FOXO3: variants seen among roughly 807,000 people sequenced by gnomAD.
The protein encoded by FOXO3 is forkhead box O3.
A neutral mutation model predicts 41.9 loss-of-function variants in FOXO3; 4 were observed. The observed-to-expected ratio is 0.10, with a 90% CI of 0.05 to 0.22. The LOEUF is 0.22. Ranked by LOEUF, FOXO3 falls within the 10% of genes least tolerant of loss-of-function variation. FOXO3 has a pLI of 1.00. For synonymous variants in FOXO3, 318 were observed against 389.3 expected (o/e 0.82, Z 2.16); for missense variants, 534 against 906.8 (o/e 0.59, Z 5.28).
chr6:108,676,537 G>A (rs185850095), intron 2 of FOXO3, among the ~76,000 whole-genome samples: 3 of 152,262 alleles, frequency 2.0e-5, no homozygotes, highest in Admixed American at 2.0e-4. Flanking sequence ...CGCCATGCCT[G>A]GCCCCTTAAT....
At chr6:108,618,470 G>T (rs1777576465) in intron 1 of FOXO3, among the ~76,000 whole-genome samples, 1 of 152,238 alleles carries the variant, frequency 6.6e-6, no homozygotes, top group Admixed American at 6.5e-5. Context: ...GCTAGACTTT[G>T]TTCTGGCATG....
At chr6:108,650,254 C>T (rs1308847752) in intron 1 of FOXO3, among the ~76,000 whole-genome samples, 6 of 152,160 alleles carry the variant, frequency 3.9e-5, no homozygotes, top group Non-Finnish European at 5.9e-5. Flanking sequence ...CACAGGGACA[C>T]GTGCTGGTTG....
At chr6:108,656,594 A>G in intron 1 of FOXO3, 1 of 835,284 alleles carries the variant, frequency 1.2e-6, no homozygotes, top group Non-Finnish European at 1.4e-6. Context: ...AGTTGTTGGG[A>G]GCTGCTTTTG....
chr6:108,678,241 G>A (rs1413316113), intron 2 of FOXO3, among the ~76,000 whole-genome samples: 1 of 152,188 alleles, frequency 6.6e-6, no homozygotes, highest in Non-Finnish European at 1.5e-5. Context: ...CTCTAAAGGT[G>A]GGAGAAGCAG....
intron 1 of FOXO3, among the ~76,000 whole-genome samples, chr6:108,578,042 T>A (rs983772302): frequency 1.3e-5 from 2 of 152,220 alleles, no homozygotes; most frequent in Admixed American, 6.5e-5. Flanking sequence ...ACTTGAAAAC[T>A]GAGAGATATA....
chr6:108,577,202 T>A (rs1582738779), intron 1 of FOXO3, among the ~76,000 whole-genome samples: 1 of 150,740 alleles, frequency 6.6e-6, no homozygotes, highest in Non-Finnish European at 1.5e-5. Context: ...GTAACTCTTC[T>A]AAAAAAAAAT....
In FOXO3 at chr6:108,599,222, C is replaced by T. The variant is rs539997967; in HGVS notation, c.621+37393C>T. On this transcript the variant is annotated intron_variant, in intron 1 of 2. Transcript: ENST00000406360. ...TGGGTCTGCTCTTTAAAAACATAACCTTTTTATTGGGATTTTCTTTAAGAT... is the reference window on the plus strand; with the variant it reads ...TGGGTCTGCTCTTTAAAAACATAACTTTTTTATTGGGATTTTCTTTAAGAT... 1.0e-3 allele frequency among the ~76,000 whole-genome samples: 153 copies of T among 152,144 alleles called. 1 individual carries two copies. Among genetic ancestry groups the T allele is most frequent in the Middle Eastern group, 3.4e-3 (1 of 294 alleles).
intron 1 of FOXO3, among the ~76,000 whole-genome samples, chr6:108,568,069 C>T (rs1427015747): frequency 6.6e-6 from 1 of 151,468 alleles, no homozygotes; most frequent in Non-Finnish European, 1.5e-5. Context: ...AAAATTAGCT[C>T]TGTTGTGGTG....
chr6:108,595,873 A>G (rs1471225273), intron 1 of FOXO3, among the ~76,000 whole-genome samples: 1 of 152,224 alleles, frequency 6.6e-6, no homozygotes, highest in African/African-American at 2.4e-5. Flanking sequence ...GATGAGTTTG[A>G]TAATTCTGCC....
intron 1 of FOXO3, among the ~76,000 whole-genome samples, chr6:108,656,045 G>A (rs1340735235): frequency 1.3e-5 from 2 of 151,768 alleles, no homozygotes; most frequent in African/African-American, 4.9e-5. Context: ...CAGTCGGCCT[G>A]GTGGGAAGTA....
At chr6:108,610,075 A>G (rs1489983621) in intron 1 of FOXO3, among the ~76,000 whole-genome samples, 1 of 151,898 alleles carries the variant, frequency 6.6e-6, no homozygotes, top group Non-Finnish European at 1.5e-5. Flanking sequence ...TTTTTTTTGC[A>G]CTTTGCTTTG....
chr6:108,580,851 G>T (rs1776399221), intron 1 of FOXO3, among the ~76,000 whole-genome samples: 1 of 152,220 alleles, frequency 6.6e-6, no homozygotes, highest in Admixed American at 6.5e-5. Flanking sequence ...AACACAAAAG[G>T]CTTTTCAGAC....
intron 1 of FOXO3, among the ~76,000 whole-genome samples, chr6:108,655,909 CA>C (rs1306250313): frequency 6.6e-6 from 1 of 152,126 alleles, no homozygotes; most frequent in African/African-American, 2.4e-5. Flanking sequence ...TCAGTACCCA[CA>C]AGTCAAGCAG....
chr6:108,590,693 G>A (rs1439132657), intron 1 of FOXO3, among the ~76,000 whole-genome samples: 1 of 152,194 alleles, frequency 6.6e-6, no homozygotes, highest in Non-Finnish European at 1.5e-5. Context: ...GTAATGGATA[G>A]ACAAAAGAAA....
intron 1 of FOXO3, among the ~76,000 whole-genome samples, chr6:108,608,319 A>G (rs890118527): frequency 6.6e-6 from 1 of 152,152 alleles, no homozygotes; most frequent in African/African-American, 2.4e-5. Flanking sequence ...TTTAAAGATG[A>G]TTGAGAATTG....
At position 108,565,736 on chromosome 6, in the gene FOXO3, G is replaced by T. The variant is rs189277654; in HGVS notation, c.621+3907G>T. ...TTATGGCTTCTTGCCAAGATAAAAA[G>T]ATGAGGGCTGTCCTGTCACATAATG... On this transcript the variant is annotated intron_variant, in intron 1 of 2. Coordinates refer to ENST00000406360, the MANE Select transcript of FOXO3 (RefSeq NM_001455.4). Among the ~76,000 whole-genome samples, 105 of 152,336 alleles carry T rather than the reference G, an allele frequency of 6.9e-4. 1 individual carries two copies. Among genetic ancestry groups the T allele is most frequent in the Non-Finnish European group, 3.4e-4 (23 of 68,036 alleles).
At position 108,683,300 on chromosome 6, in the gene FOXO3, T is replaced by A. The variant is rs1319990581; in HGVS notation, c.*3508T>A. 1 of 152,208 alleles carries A rather than the reference T, an allele frequency of 6.6e-6. No homozygotes were observed. Among genetic ancestry groups the A allele is most frequent in the East Asian group, 1.9e-4 (1 of 5,180 alleles). The allele number at this position is 152,208 out of a possible 1,614,324, so 9.4% of individuals were successfully genotyped here. On this transcript the variant is annotated 3_prime_UTR_variant, in exon 3 of 3. Transcript: ENST00000406360. ...AAGTATGCCCCGCTCAGGGTGTGAT[T>A]TCAGGTGGCTTCCAAACTTGTACGC...
intron 1 of FOXO3, among the ~76,000 whole-genome samples, chr6:108,652,029 T>G (rs1009802662): frequency 6.6e-6 from 1 of 152,170 alleles, no homozygotes; most frequent in Non-Finnish European, 1.5e-5. Context: ...TAGCAGACAT[T>G]TGCTTGATGT....
chr6:108,643,136 C>T (rs1778303693), intron 1 of FOXO3, among the ~76,000 whole-genome samples: 1 of 152,170 alleles, frequency 6.6e-6, no homozygotes, highest in African/African-American at 2.4e-5. Flanking sequence ...TTTCATTTCC[C>T]CACCTTTTGG....
Sources: allele counts gnomAD v4.1 joint callset (sites outside exome capture counted in the v4.1 genomes callset), GRCh38; gene constraint gnomAD v4.1.1; transcripts MANE v1.5; gene names NCBI Gene and HGNC (gene_info 2026-07-23, HGNC 2026-07-21).